The following MTMR10 variants were observed in gnomAD, a reference collection of about 807,000 sequenced individuals.
MTMR10 encodes myotubularin-related protein 10.
In MTMR10, 56 loss-of-function variants were observed where a neutral mutation model predicts 88.1. That is an observed-to-expected ratio of 0.64 (90% CI 0.51 to 0.79). MTMR10 has a LOEUF of 0.79. MTMR10 is among the 30% of genes least tolerant of loss of function. MTMR10 has a pLI of 0.00. For missense variants in MTMR10, 883 were observed against 924.7 expected, an observed-to-expected ratio of 0.95 and a Z score of 0.58; for synonymous variants, 380 against 340.9, an observed-to-expected ratio of 1.11 and a Z score of -1.26.
intron 7 of MTMR10, 50 bp from the exon 8 acceptor site, chr15:30,959,171 A>AGTGT: frequency 2.7e-6 from 4 of 1,460,566 alleles, no homozygotes; most frequent in Non-Finnish European, 3.7e-6. Context: ...AAGCAGGAAT[A>AGTGT]GTGTGCTCCT....
the MTMR10 span, chr15:30,925,160 C>T: frequency 6.2e-7 from 1 of 1,613,834 alleles, no homozygotes; most frequent in Non-Finnish European, 8.5e-7. Flanking sequence ...GCTGGCGGAT[C>T]CGGAAGTCAG....
intron 5 of MTMR10, among the ~76,000 whole-genome samples, chr15:30,973,912 T>A (rs2029906633): frequency 6.6e-6 from 1 of 152,192 alleles, no homozygotes; most frequent in Admixed American, 6.5e-5. Flanking sequence ...TACCTAAATC[T>A]TATGTAACAT....
chr15:30,948,101 T>TA (rs1443666151), intron 13 of MTMR10, among the ~76,000 whole-genome samples: 44 of 152,354 alleles, frequency 2.9e-4, no homozygotes, highest in African/African-American at 1.0e-3. Flanking sequence ...AGACAACTTT[T>TA]AAAAATTTCA....
At chr15:30,929,685 T>A in the MTMR10 span, among the ~76,000 whole-genome samples, 66 of 62,544 alleles carry the variant, frequency 1.1e-3, no homozygotes, top group Non-Finnish European at 1.7e-3. Context: ...TATCATATAA[T>A]ATATATAAAA....
the MTMR10 span, among the ~76,000 whole-genome samples, chr15:30,919,917 G>T: frequency 1.3e-5 from 2 of 152,024 alleles, no homozygotes; most frequent in Non-Finnish European, 2.9e-5. Flanking sequence ...TGTTGTCCAG[G>T]GGTCAGCTGT....
chr15:30,946,911 A>C (rs1489973997), intron 14 of MTMR10: 2 of 624,336 alleles, frequency 3.2e-6, no homozygotes, highest in Non-Finnish European at 5.4e-6. Flanking sequence ...GTTTACTACA[A>C]AACATTTACA....
At chr15:30,954,439 A>G (rs1333685894) in intron 10 of MTMR10, among the ~76,000 whole-genome samples, 1 of 152,208 alleles carries the variant, frequency 6.6e-6, no homozygotes, top group African/African-American at 2.4e-5. Flanking sequence ...AACTGTATGT[A>G]TTACAATCTT....
chr15:30,986,855 C>T (rs1595952682), intron 2 of MTMR10, among the ~76,000 whole-genome samples: 1 of 152,354 alleles, frequency 6.6e-6, no homozygotes, highest in East Asian at 1.9e-4. Context: ...CTATCCAGGA[C>T]AGACCTGGCA....
At chr15:30,986,181 G>C (rs894859162) in intron 2 of MTMR10, among the ~76,000 whole-genome samples, 18 of 152,126 alleles carry the variant, frequency 1.2e-4, no homozygotes, top group Admixed American at 4.6e-4. Flanking sequence ...GCCAGGTGTG[G>C]TGGCGCACGT....
intron 7 of MTMR10, among the ~76,000 whole-genome samples, 152 bp from the exon 8 acceptor site, chr15:30,959,273 G>A (rs1039395904): frequency 6.6e-6 from 1 of 152,022 alleles, no homozygotes; most frequent in Non-Finnish European, 1.5e-5. Flanking sequence ...GGGCAGTGAC[G>A]ATCCTACACC....
chr15:30,931,513 A>G, the MTMR10 span, among the ~76,000 whole-genome samples: 6 of 152,224 alleles, frequency 3.9e-5, no homozygotes, highest in African/African-American at 9.6e-5. Context: ...CCAAGGTCAC[A>G]AAGAGTTTCT....
chr15:30,942,626 T>G, intron 15 of MTMR10: 1 of 430,266 alleles, frequency 2.3e-6, no homozygotes, highest in Non-Finnish European at 4.1e-6. Flanking sequence ...CATCAAGAAA[T>G]GGATAAATGG....
Position 30,961,253 on chromosome 15 carries a change from T to A in MTMR10, c.566-180A>T, listed in dbSNP as rs187097290. 6.9e-3 allele frequency among the ~76,000 whole-genome samples: 1,053 copies of A among 151,942 alleles called. 7 individuals are homozygous for A. Among genetic ancestry groups the A allele is most frequent in the Middle Eastern group, 0.021 (6 of 292 alleles). ...TAAAAATAACTCCTTTTTTTTTTTT[T>A]GACGGAGTCTCGTTCTGTCGCCCAG... On this transcript the variant is annotated intron_variant, in intron 6 of 15. Coordinates refer to ENST00000435680, the MANE Select transcript of MTMR10 (RefSeq NM_017762.3).
chr15:30,970,641 A>G (rs1280892732), intron 5 of MTMR10, among the ~76,000 whole-genome samples: 2 of 152,224 alleles, frequency 1.3e-5, no homozygotes, highest in Non-Finnish European at 2.9e-5. Flanking sequence ...AAGCAGTTAC[A>G]TGCTCTTTCT....
At chr15:30,986,422 C>A (rs939286872) in intron 2 of MTMR10, among the ~76,000 whole-genome samples, 1 of 151,668 alleles carries the variant, frequency 6.6e-6, no homozygotes, top group Non-Finnish European at 1.5e-5. Context: ...ATAATCTCAT[C>A]TAGTAGGTTC....
the MTMR10 span, chr15:30,928,055 G>C: frequency 1.0e-6 from 1 of 997,734 alleles, no homozygotes; most frequent in African/African-American, 1.7e-5. Flanking sequence ...AGGTGCATCA[G>C]AGCAGCACCT....
intron 5 of MTMR10, among the ~76,000 whole-genome samples, chr15:30,971,920 T>C (rs1381077880): frequency 6.6e-6 from 1 of 152,158 alleles, no homozygotes; most frequent in African/African-American, 2.4e-5. Context: ...CAAAGCAATC[T>C]AATTTTGTCA....
chr15:30,977,640 C>A (rs76723900), intron 2 of MTMR10, among the ~76,000 whole-genome samples: 1 of 152,110 alleles, frequency 6.6e-6, no homozygotes, highest in Non-Finnish European at 1.5e-5. Context: ...GTCAACTAGA[C>A]GCAGAACATT....
rs751789714 is a variant in MTMR10, at chr15:30,942,020, A to G, written c.1784T>C (p.Ile595Thr). Residue 595 changes from isoleucine (I) to threonine (T), a missense_variant, in exon 16 of 16, where the codon ATC (isoleucine) becomes ACC (threonine). Physicochemically the swap from Ile to Thr is moderately conservative, Grantham distance 89. Transcript: ENST00000435680. The part of the protein sequence containing the change: ...RGMPSALKNG[I>T]ISDQELLPRR... ...TGGAAGTAATTCTTGGTCACTGATG[A>G]TTCCATTCTTTAAGGCAGACGGCAT... is the stretch of plus-strand genomic sequence containing the variant. 1 of 1,613,896 alleles carries G rather than the reference A, an allele frequency of 6.2e-7. No homozygotes were observed. The highest frequency in any genetic ancestry group is 1.1e-5 in the South Asian group (1 of 91,084).
Sources: allele counts gnomAD v4.1 joint callset (sites outside exome capture counted in the v4.1 genomes callset), GRCh38; gene constraint gnomAD v4.1.1; transcripts MANE v1.5; gene names NCBI Gene and HGNC (gene_info 2026-07-23, HGNC 2026-07-21).